Variants in SULT2B1 observed in about 807,000 individuals in gnomAD.
SULT2B1 encodes sulfotransferase 2B1.
In SULT2B1, 16 loss-of-function variants were observed where a neutral mutation model predicts 33.2. The observed-to-expected ratio is 0.48, with a 90% confidence interval of 0.33 to 0.73. The LOEUF (loss-of-function observed/expected upper bound fraction) is 0.73, where lower values mean the gene tolerates loss of function less well. SULT2B1 is among the 30% of genes least tolerant of loss of function. SULT2B1 has a pLI of 0.02. For synonymous variants in SULT2B1, 186 were observed against 200.5 expected, an observed-to-expected ratio of 0.93 and a Z score of 0.61; for missense variants, 500 against 506.0, an observed-to-expected ratio of 0.99 and a Z score of 0.11.
intron 2 of SULT2B1, among the ~76,000 whole-genome samples, chr19:48,578,353 A>C (rs1973441479): frequency 6.6e-6 from 1 of 152,164 alleles, no homozygotes. Context: ...AGGCCGAGGC[A>C]GGAGGATCTC....
In SULT2B1 at chr19:48,567,269, G is replaced by GAA. The variant is rs541766750; in HGVS notation, c.72-8671_72-8670dup. Reference sequence around the variant, plus strand: ...GGTTCATTCGGGGATCTGGCAAATAGAACACAGTATTTAACCAGGCACGGT... The same window carrying GAA: ...GGTTCATTCGGGGATCTGGCAAATAGAAAACACAGTATTTAACCAGGCACGGT... On this transcript the variant is annotated intron_variant, in intron 1 of 6. Transcript: ENST00000201586. Among the ~76,000 whole-genome samples, 1,165 of 152,040 alleles carry GAA rather than the reference G, an allele frequency of 7.7e-3. 13 individuals are homozygous for GAA. The highest frequency in any genetic ancestry group is 0.027 in the African/African-American group (1,103 of 41,480).
intron 6 of SULT2B1, among the ~76,000 whole-genome samples, chr19:48,598,556 C>T (rs1221145969): frequency 6.6e-6 from 1 of 152,024 alleles, no homozygotes; most frequent in Non-Finnish European, 1.5e-5. Flanking sequence ...TGCACTCCAG[C>T]CTGGGCGACA....
chr19:48,595,713 G>C (rs921287731), intron 5 of SULT2B1: 1 of 148,134 alleles, frequency 6.8e-6, no homozygotes, highest in Non-Finnish European at 1.5e-5. Context: ...TGCCACCCAG[G>C]CTGTAGTATA....
Position 48,552,384 on chromosome 19 carries a change from A to C in SULT2B1, c.71+61A>C. 1.9e-6 allele frequency: 3 copies of C among 1,575,152 alleles called. No individual in the cohort carries two copies. The highest frequency in any genetic ancestry group is 1.7e-6 in the Non-Finnish European group (2 of 1,154,298). Reference sequence around the variant, plus strand: ...CAGGGAGGAGGTGGCTGTTTGGGGGAGCCGGGGACTGTGGCAAGGGTGGCC... The same window carrying C: ...CAGGGAGGAGGTGGCTGTTTGGGGGCGCCGGGGACTGTGGCAAGGGTGGCC... On this transcript the variant is annotated intron_variant, in intron 1 of 6. Coordinates refer to ENST00000201586, the MANE Select transcript of SULT2B1 (RefSeq NM_177973.2). This position sits in a 1 kb window ranked among gnomAD's most constrained non-coding sequence, Gnocchi z 4.8.
In SULT2B1 at chr19:48,566,813, G is replaced by T. The variant is rs143676182; in HGVS notation, c.72-9128G>T. The stretch of plus-strand genomic sequence containing the variant: ...GCCAAAATTGTGTCACTGCACTCCG[G>T]CTTTGGTGACACAGTGAGACTCTGT... On this transcript the variant is annotated intron_variant, in intron 1 of 6. Coordinates refer to ENST00000201586, the MANE Select transcript of SULT2B1 (RefSeq NM_177973.2). Among the ~76,000 whole-genome samples, 1,106 of 151,634 alleles carry T rather than the reference G, an allele frequency of 7.3e-3. 10 individuals carry two copies. Among genetic ancestry groups the T allele is most frequent in the Non-Finnish European group, 8.6e-3 (584 of 67,906 alleles).
At chr19:48,591,459 T>G in intron 3 of SULT2B1, 150 bp from the exon 4 acceptor site, 2 of 863,660 alleles carry the variant, frequency 2.3e-6, no homozygotes, top group Non-Finnish European at 3.3e-6. Flanking sequence ...CGAAACAGAG[T>G]CAGACTCCAT....
At chr19:48,580,372 GC>G (rs58634052) in intron 2 of SULT2B1, among the ~76,000 whole-genome samples, 31,998 of 151,418 alleles carry the variant, frequency 0.21, 3,765 homozygotes, top group East Asian at 0.46. Flanking sequence ...CAATTCTCCT[GC>G]CTCAGCCTCC....
intron 1 of SULT2B1, among the ~76,000 whole-genome samples, chr19:48,553,081 C>T (rs901945895): frequency 6.6e-6 from 1 of 152,100 alleles, no homozygotes; most frequent in Admixed American, 6.6e-5. Flanking sequence ...CCCCTTTACA[C>T]CCCTCCCCGT....
chr19:48,576,359 C>CTTTTCTTTTTTTCTTTTT, intron 2 of SULT2B1, among the ~76,000 whole-genome samples: 1 of 96,716 alleles, frequency 1.0e-5, no homozygotes, highest in Non-Finnish European at 1.9e-5. Context: ...CTCTACTTCT[C>CTTTTCTTTTTTTCTTTTT]TTTTTTTTTT....
At chr19:48,592,631 G>C in intron 4 of SULT2B1, 91 bp from the exon 5 acceptor site, 1 of 1,122,984 alleles carries the variant, frequency 8.9e-7, no homozygotes, top group Non-Finnish European at 1.3e-6. Flanking sequence ...CTGGGGGTTT[G>C]TGGGGCACAG....
chr19:48,590,600 T>TAAAAC (rs1460869115), intron 3 of SULT2B1, among the ~76,000 whole-genome samples: 9 of 151,942 alleles, frequency 5.9e-5, no homozygotes, highest in Non-Finnish European at 8.8e-5. Flanking sequence ...AGACTTCGTC[T>TAAAAC]AAAACAAAAC....
chr19:48,591,762 AG>A, intron 4 of SULT2B1, 27 bp downstream of exon 4: 2 of 1,392,136 alleles, frequency 1.4e-6, no homozygotes, highest in Non-Finnish European at 9.6e-7. Flanking sequence ...GCGGGGCAGG[AG>A]GGGTGGGGAG....
At chr19:48,559,996 T>G (rs954569694) in intron 1 of SULT2B1, among the ~76,000 whole-genome samples, 8 of 150,746 alleles carry the variant, frequency 5.3e-5, no homozygotes, top group African/African-American at 1.9e-4. Flanking sequence ...AAAAGAAGAA[T>G]GCCCACAGGA....
intron 1 of SULT2B1, among the ~76,000 whole-genome samples, chr19:48,557,706 C>G (rs1316530229): frequency 6.6e-6 from 1 of 152,036 alleles, no homozygotes. Flanking sequence ...CACCTGAGGT[C>G]GATAGTTGGA....
chr19:48,587,146 T>C (rs911072054), intron 2 of SULT2B1, 83 bp from the exon 3 acceptor site: 5 of 1,016,424 alleles, frequency 4.9e-6, no homozygotes, highest in African/African-American at 3.2e-5. Flanking sequence ...AATTGCTCAA[T>C]AAGTGCTGTT....
In SULT2B1 at chr19:48,587,450, G is replaced by T; in HGVS notation, c.423+13G>T. ...CTCCAAGGCCAAGGTTGGGAGGAGGGGTGTGTGTCAGTTGGGAGGGGCTGC... is the reference window on the plus strand; with the variant it reads ...CTCCAAGGCCAAGGTTGGGAGGAGGTGTGTGTGTCAGTTGGGAGGGGCTGC... On this transcript the variant is annotated intron_variant, in intron 3 of 6. Transcript: ENST00000201586. 6.2e-7 allele frequency: 1 copy of T among 1,614,036 alleles called. No homozygotes were observed. The highest frequency in any genetic ancestry group is 8.5e-7 in the Non-Finnish European group (1 of 1,179,970).
chr19:48,587,588 C>T, intron 3 of SULT2B1, 151 bp downstream of exon 3: 1 of 893,716 alleles, frequency 1.1e-6, no homozygotes, highest in South Asian at 1.7e-5. Flanking sequence ...GGTCAATATA[C>T]ACACAGAAAT....
chr19:48,596,571 AG>A, intron 5 of SULT2B1, 167 bp from the exon 6 acceptor site: 1 of 688,888 alleles, frequency 1.5e-6, no homozygotes, highest in Non-Finnish European at 2.4e-6. Context: ...AAAAACCCTT[AG>A]AGGCGATATA....
chr19:48,560,688 T>C (rs908537889), intron 1 of SULT2B1, among the ~76,000 whole-genome samples: 1 of 152,142 alleles, frequency 6.6e-6, no homozygotes, highest in Non-Finnish European at 1.5e-5. Flanking sequence ...AGGCTGGGCG[T>C]GGTGGCTCAT....
Sources: gnomAD v4.1 joint callset for allele counts (sites outside exome capture counted in the v4.1 genomes callset) on GRCh38, gnomAD v4.1.1 for gene constraint, Gnocchi (gnomAD v3.1) non-coding constraint, MANE v1.5 for transcripts, NCBI Gene and HGNC (gene_info 2026-07-23, HGNC 2026-07-21) for gene names.